Variants in ADCY9 observed in about 807,000 individuals in gnomAD.
ADCY9 encodes the protein adenylate cyclase type 9.
In ADCY9, 50 loss-of-function variants were observed where a neutral mutation model predicts 101.5. That is an observed-to-expected ratio of 0.49 (90% confidence interval 0.39 to 0.62). The LOEUF is 0.62. ADCY9 is among the 20% of genes least tolerant of loss of function. The probability of loss-of-function intolerance (pLI) is 0.00; values close to 1 mark genes in which losing one functional copy is unlikely to be tolerated. For missense variants in ADCY9, 1,662 were observed against 1,800.4 expected, an observed-to-expected ratio of 0.92 and a Z score of 1.39; for synonymous variants, 905 against 769.3, an observed-to-expected ratio of 1.18 and a Z score of -2.92.
At chr16:4,007,147 A>G (rs2056372009) in intron 3 of ADCY9, among the ~76,000 whole-genome samples, 1 of 152,188 alleles carries the variant, frequency 6.6e-6, no homozygotes, top group South Asian at 2.1e-4. Flanking sequence ...ATCCTTGTGC[A>G]ATGGAAAGGC....
At chr16:4,069,853 T>C (rs1243200559) in intron 2 of ADCY9, among the ~76,000 whole-genome samples, 1 of 152,134 alleles carries the variant, frequency 6.6e-6, no homozygotes, top group Non-Finnish European at 1.5e-5. Flanking sequence ...CCCAGCACTT[T>C]GGGAGGCTGA....
At chr16:4,013,052 G>T (rs948087170) in intron 2 of ADCY9, among the ~76,000 whole-genome samples, 20 of 152,014 alleles carry the variant, frequency 1.3e-4, no homozygotes, top group African/African-American at 4.8e-4. Flanking sequence ...AGGAGTTTGA[G>T]ACCAGCCTGG....
At chr16:4,041,754 T>G (rs2056628178) in intron 2 of ADCY9, among the ~76,000 whole-genome samples, 1 of 148,902 alleles carries the variant, frequency 6.7e-6, no homozygotes, top group Admixed American at 6.7e-5. Flanking sequence ...TGATTTTTTT[T>G]GTTTTTTTTT....
Position 3,966,657 on chromosome 16 carries a change from G to A in ADCY9, c.3180C>T (p.Ile1060=), listed in dbSNP as rs1256059468. 1 of 1,614,162 alleles carries A rather than the reference G, an allele frequency of 6.2e-7. No individual in the cohort carries two copies. The highest frequency in any genetic ancestry group is 8.5e-7 in the Non-Finnish European group (1 of 1,180,028). ...CGCTGAAGTTGACGATGCTGGCGAA[G>A]ATCACCCCTCCGCTGTCATGGTTCT... is the stretch of plus-strand genomic sequence containing the variant. The part of the protein sequence containing the change: ...YSKNHDSGGV[I]FASIVNFSEF... Residue 1060 remains isoleucine, a synonymous_variant, in exon 11 of 11, where the codon ATC becomes ATT. Coordinates refer to ENST00000294016, the MANE Select transcript of ADCY9 (RefSeq NM_001116.4).
chr16:4,039,069 C>T (rs574764249), intron 2 of ADCY9, among the ~76,000 whole-genome samples: 20 of 152,286 alleles, frequency 1.3e-4, no homozygotes, highest in East Asian at 7.7e-4. Context: ...GCACCTTACA[C>T]GCATTACCCT....
intron 9 of ADCY9, among the ~76,000 whole-genome samples, chr16:3,975,014 G>T (rs772258355): frequency 2.0e-5 from 3 of 152,120 alleles, no homozygotes; most frequent in Non-Finnish European, 4.4e-5. Context: ...GTTCTGGGCC[G>T]AGTGGAACTT....
At chr16:3,979,419 G>A (rs866673881) in intron 7 of ADCY9, 144 bp from the exon 8 acceptor site, 2 of 943,044 alleles carry the variant, frequency 2.1e-6, no homozygotes, top group Non-Finnish European at 3.1e-6. Flanking sequence ...GGCGTGGGGT[G>A]GGAGTCTACC....
rs1792007016 is a variant in ADCY9 at position 4,115,720 on chromosome 16, C to A, written c.-74G>T. 2 of 425,618 alleles carry A rather than the reference C, an allele frequency of 4.7e-6. No homozygotes were observed. Among genetic ancestry groups the A allele is most frequent in the Non-Finnish European group, 8.2e-6 (2 of 242,952 alleles). 26.4% of individuals were successfully genotyped at this position (425,618 alleles called of 1,614,324 possible). A position where few individuals can be genotyped will look rare whatever the true frequency, so the allele number is the denominator to read the frequency against. ...ACGCCCGGGGGTCCCCGCCGCGTGG[C>A]CGCCGTGGCTCCGGGACCGCTTTGC... On this transcript the variant is annotated 5_prime_UTR_variant, in exon 1 of 11. Coordinates refer to ENST00000294016, the MANE Select transcript of ADCY9 (RefSeq NM_001116.4). The surrounding 1 kb of genome is among the most constrained non-coding windows in gnomAD (Gnocchi z 6.2).
chr16:4,097,487 T>TATATATACACAC (rs76750792), intron 2 of ADCY9, among the ~76,000 whole-genome samples: 164 of 72,422 alleles, frequency 2.3e-3, no homozygotes, highest in Middle Eastern at 0.01. Context: ...TATATATATA[T>TATATATACACAC]ACACACACAC....
At chr16:4,069,641 T>C (rs1343930164) in intron 2 of ADCY9, among the ~76,000 whole-genome samples, 2 of 152,200 alleles carry the variant, frequency 1.3e-5, no homozygotes, top group Admixed American at 1.3e-4. Flanking sequence ...TATATTCGTA[T>C]CATTGAGTAA....
intron 2 of ADCY9, among the ~76,000 whole-genome samples, chr16:4,110,346 A>G (rs1341665142): frequency 6.7e-6 from 1 of 148,376 alleles, no homozygotes; most frequent in African/African-American, 2.5e-5. Context: ...GTAGCAGCTC[A>G]GGGCAGTTTT....
intron 2 of ADCY9, among the ~76,000 whole-genome samples, chr16:4,026,361 T>C (rs552473105): frequency 6.8e-4 from 101 of 148,670 alleles, no homozygotes; most frequent in African/African-American, 2.3e-3. Flanking sequence ...GAGGCGGACA[T>C]TGCAGTGAGC....
intron 6 of ADCY9, among the ~76,000 whole-genome samples, chr16:3,985,017 T>C (rs2056178850): frequency 1.3e-5 from 2 of 152,196 alleles, no homozygotes; most frequent in African/African-American, 2.4e-5. Flanking sequence ...TAGGGTTTGG[T>C]TCCAAATTCT....
At chr16:4,079,300 G>A (rs961790265) in intron 2 of ADCY9, among the ~76,000 whole-genome samples, 2 of 152,214 alleles carry the variant, frequency 1.3e-5, no homozygotes, top group Non-Finnish European at 2.9e-5. Flanking sequence ...CAGGCATGGT[G>A]GCTCACGCAT....
Position 3,965,077 on chromosome 16 carries a change from G to A in ADCY9, c.*698C>T, listed in dbSNP as rs988492037. 1.3e-5 allele frequency: 2 copies of A among 152,400 alleles called. No homozygotes were observed. The highest frequency in any genetic ancestry group is 2.9e-5 in the Non-Finnish European group (2 of 68,152). 9.4% of individuals were successfully genotyped at this position (152,400 alleles called of 1,614,324 possible). On this transcript the variant is annotated 3_prime_UTR_variant, in exon 11 of 11. Transcript: ENST00000294016. The stretch of plus-strand genomic sequence containing the variant: ...GTGCCCGGCTGGCATTTGCTGTCTT[G>A]GCCTGCATGCATGTGGGCGAGCCCC...
chr16:4,094,467 G>C (rs2056990884), intron 2 of ADCY9, among the ~76,000 whole-genome samples: 3 of 152,144 alleles, frequency 2.0e-5, no homozygotes, highest in Non-Finnish European at 4.4e-5. Flanking sequence ...GTTTGTTGAG[G>C]AAGGATAAGA....
chr16:4,017,027 G>T (rs557337868), intron 2 of ADCY9, among the ~76,000 whole-genome samples: 84 of 152,252 alleles, frequency 5.5e-4, no homozygotes, highest in African/African-American at 2.0e-3. Context: ...AGCTGGGTGT[G>T]GTGGTGCATT....
intron 2 of ADCY9, among the ~76,000 whole-genome samples, chr16:4,010,445 C>A (rs551662207): frequency 6.6e-6 from 1 of 152,252 alleles, no homozygotes; most frequent in Admixed American, 6.5e-5. Context: ...AAGCTGGGCA[C>A]GTGCCTCAAG....
intron 2 of ADCY9, among the ~76,000 whole-genome samples, chr16:4,095,888 A>T (rs934422000): frequency 1.3e-5 from 2 of 149,488 alleles, no homozygotes; most frequent in Non-Finnish European, 1.5e-5. Flanking sequence ...GAGGCACAAG[A>T]CTCACTTGAA....
Sources: allele counts gnomAD v4.1 joint callset (sites outside exome capture counted in the v4.1 genomes callset), GRCh38; gene constraint gnomAD v4.1.1; non-coding constraint Gnocchi (gnomAD v3.1); transcripts MANE v1.5; gene names NCBI Gene and HGNC (gene_info 2026-07-23, HGNC 2026-07-21).